SLCO1B1: variants seen among roughly 807,000 people sequenced by gnomAD.
SLCO1B1 encodes OATP-2.
SLCO1B1 carries 81 observed loss-of-function variants against 70.1 expected under a neutral mutation model. The ratio of observed to expected loss-of-function variants is 1.16; its 90% CI spans 0.97 to 1.39. The LOEUF (loss-of-function observed/expected upper bound fraction) is 1.39. Among genes scored for constraint, SLCO1B1 ranks in the 40% most tolerant of loss-of-function variants. SLCO1B1 has a pLI of 0.00. For synonymous variants in SLCO1B1, 283 were observed against 271.5 expected (o/e 1.04, Z -0.42); for missense variants, 895 against 799.6 (o/e 1.12, Z -1.44).
intron 2 of SLCO1B1, among the ~76,000 whole-genome samples, chr12:21,170,798 G>A (rs1940747560): frequency 6.6e-6 from 1 of 152,038 alleles, no homozygotes; most frequent in African/African-American, 2.4e-5. Flanking sequence ...TTCATTGATA[G>A]CATATATCAT....
intron 1 of SLCO1B1, among the ~76,000 whole-genome samples, chr12:21,138,988 AT>A (rs1940269328): frequency 6.6e-6 from 1 of 152,170 alleles, no homozygotes. Flanking sequence ...TAGGATAAAT[AT>A]GATATGCATA....
In SLCO1B1 at chr12:21,227,446, ACT is replaced by A. The variant is rs374809506; in HGVS notation, c.1865+2612_1865+2613del. Among the ~76,000 whole-genome samples, 473 of 152,078 alleles carry A rather than the reference ACT, an allele frequency of 3.1e-3. 2 individuals are homozygous for A. Among genetic ancestry groups the A allele is most frequent in the Non-Finnish European group, 5.3e-3 (359 of 67,940 alleles). On this transcript the variant is annotated intron_variant, in intron 14 of 14. Transcript: ENST00000256958. ...ACCTAGGATCAAATTTACCAAACAG[ACT>A]CTCTTCCATTTAATGTGTAAATTCA... is the stretch of plus-strand genomic sequence containing the variant.
intron 2 of SLCO1B1, among the ~76,000 whole-genome samples, chr12:21,151,564 A>G (rs1288291959): frequency 6.6e-6 from 1 of 152,166 alleles, no homozygotes; most frequent in Non-Finnish European, 1.5e-5. Flanking sequence ...AAGAAAAGTA[A>G]TAATTTATAT....
intron 8 of SLCO1B1, among the ~76,000 whole-genome samples, chr12:21,199,242 G>A (rs547212895): frequency 1.3e-4 from 20 of 152,154 alleles, no homozygotes; most frequent in East Asian, 9.7e-4. Context: ...TTCAAAGTCC[G>A]TATCATCCAA....
chr12:21,198,848 A>G (rs1233127903), intron 8 of SLCO1B1, among the ~76,000 whole-genome samples: 1 of 152,040 alleles, frequency 6.6e-6, no homozygotes, highest in Non-Finnish European at 1.5e-5. Flanking sequence ...TATATAGTAG[A>G]TCATGACTAT....
chr12:21,176,911 T>C lies in SLCO1B1; in HGVS notation c.481+14T>C, dbSNP rs1207579755. 1.3e-6 allele frequency: 2 copies of C among 1,539,720 alleles called. No homozygotes were observed. The highest frequency in any genetic ancestry group is 1.8e-6 in the Non-Finnish European group (2 of 1,112,626). Reference sequence around the variant, plus strand: ...TAGTGGGAAAAGGTAAGAATTAATATTGACAGTAAAAAGTCTTCTAAAATG... The same window carrying C: ...TAGTGGGAAAAGGTAAGAATTAATACTGACAGTAAAAAGTCTTCTAAAATG... On this transcript the variant is annotated intron_variant, in intron 5 of 14. Coordinates refer to ENST00000256958, the MANE Select transcript of SLCO1B1 (RefSeq NM_006446.5).
chr12:21,199,301 C>G (rs759485643), intron 8 of SLCO1B1, among the ~76,000 whole-genome samples: 2 of 152,086 alleles, frequency 1.3e-5, no homozygotes, highest in Non-Finnish European at 2.9e-5. Flanking sequence ...CTGATACTTC[C>G]TACTGTTTTT....
chr12:21,182,043 T>C (rs1940905216), intron 7 of SLCO1B1, among the ~76,000 whole-genome samples: 1 of 152,032 alleles, frequency 6.6e-6, no homozygotes, highest in Admixed American at 6.6e-5. Flanking sequence ...AAGCCCAAAA[T>C]ATTGAATAAA....
At chr12:21,170,083 G>T (rs532016343) in intron 2 of SLCO1B1, among the ~76,000 whole-genome samples, 1 of 152,232 alleles carries the variant, frequency 6.6e-6, no homozygotes, top group African/African-American at 2.4e-5. Context: ...GCTCCACCTC[G>T]TGTCTCTGTC....
intron 12 of SLCO1B1, among the ~76,000 whole-genome samples, chr12:21,220,955 T>C (rs1235729444): frequency 6.6e-6 from 1 of 152,168 alleles, no homozygotes; most frequent in Non-Finnish European, 1.5e-5. Context: ...GTTTTTATTC[T>C]AGGGATGAAG....
rs750863994 is a variant in SLCO1B1 at position 21,179,036 on chromosome 12, A to G, written c.727+16A>G. The G allele has an allele frequency of 5.8e-5, 86 of 1,479,932 alleles. No individual in the cohort carries two copies. The Admixed American group carries it at 1.0e-3, about 18-fold the overall frequency. The allele number at this position is 1,479,932 out of a possible 1,614,324, so 91.7% of individuals were successfully genotyped here. ...GTAGATCTAAGTAAGTACAACCAGA[A>G]CAAGGTACCATGATAACGTCTTTCT... On this transcript the variant is annotated intron_variant, in intron 7 of 14. Coordinates refer to ENST00000256958, the MANE Select transcript of SLCO1B1 (RefSeq NM_006446.5).
chr12:21,209,850 G>A lies in SLCO1B1; in HGVS notation c.1497+3817G>A, dbSNP rs375372579. 2.4e-3 allele frequency among the ~76,000 whole-genome samples: 349 copies of A among 146,468 alleles called. No individual in the cohort carries two copies. The East Asian group carries it at 0.027, about 11-fold the overall frequency. On this transcript the variant is annotated intron_variant, in intron 11 of 14. Coordinates refer to ENST00000256958, the MANE Select transcript of SLCO1B1 (RefSeq NM_006446.5). ...TTTCATGTGTTTTTTGGCTGCATAA[G>A]TGTCTTCTTTTGAGAAGTGTCTGTT...
At chr12:21,237,253 T>TCTCTTAAGAGA (rs1472256744) in intron 14 of SLCO1B1, among the ~76,000 whole-genome samples, 1 of 152,200 alleles carries the variant, frequency 6.6e-6, no homozygotes, top group Non-Finnish European at 1.5e-5. Flanking sequence ...CTAAAAAGCT[T>TCTCTTAAGAGA]CTCTTAACAT....
At chr12:21,238,247 T>C (rs1017318552) in intron 14 of SLCO1B1, among the ~76,000 whole-genome samples, 1 of 152,164 alleles carries the variant, frequency 6.6e-6, no homozygotes, top group Non-Finnish European at 1.5e-5. Context: ...ATCAAAGGCA[T>C]TCTTTATTTC....
chr12:21,166,175 T>G (rs1940682768), intron 2 of SLCO1B1, among the ~76,000 whole-genome samples: 1 of 152,038 alleles, frequency 6.6e-6, no homozygotes, highest in Non-Finnish European at 1.5e-5. Flanking sequence ...TGATAAAATA[T>G]ATGATCTCAA....
At chr12:21,205,758 C>CT in intron 10 of SLCO1B1, 110 bp from the exon 11 acceptor site, 1 of 678,936 alleles carries the variant, frequency 1.5e-6, no homozygotes, top group Non-Finnish European at 2.2e-6. Context: ...TCTTTATCTA[C>CT]TTTTTTTCCC....
At chr12:21,136,926 G>T (rs1475745829) in intron 1 of SLCO1B1, among the ~76,000 whole-genome samples, 1 of 152,116 alleles carries the variant, frequency 6.6e-6, no homozygotes, top group African/African-American at 2.4e-5. Context: ...AGAGTTTCCA[G>T]TTTTTCTGCT....
In SLCO1B1 at chr12:21,239,241, G is replaced by T. The variant is rs1248700218; in HGVS notation, c.*52G>T. Reference sequence around the variant, plus strand: ...CTGTGTTTCCAAACAGCATTGCATTGATTCAGTAAGATGTTATTTTTGAGG... The same window carrying T: ...CTGTGTTTCCAAACAGCATTGCATTTATTCAGTAAGATGTTATTTTTGAGG... On this transcript the variant is annotated 3_prime_UTR_variant, in exon 15 of 15. Transcript: ENST00000256958. The T allele has an allele frequency of 8.3e-7, 1 of 1,208,618 alleles. No homozygotes were observed. Among genetic ancestry groups the T allele is most frequent in the Non-Finnish European group, 1.2e-6 (1 of 811,638 alleles). 74.9% of individuals were successfully genotyped at this position (1,208,618 alleles called of 1,614,324 possible).
At chr12:21,234,442 G>A (rs1941575526) in intron 14 of SLCO1B1, among the ~76,000 whole-genome samples, 1 of 152,168 alleles carries the variant, frequency 6.6e-6, no homozygotes, top group Non-Finnish European at 1.5e-5. Context: ...TAATTCGTTA[G>A]TCCTACAAAG....
Sources: allele counts gnomAD v4.1 joint callset (sites outside exome capture counted in the v4.1 genomes callset), GRCh38; gene constraint gnomAD v4.1.1; transcripts MANE v1.5; gene names NCBI Gene and HGNC (gene_info 2026-07-23, HGNC 2026-07-21).